XPR1: variants seen among roughly 807,000 people sequenced by gnomAD.
XPR1 encodes xenotropic and polytropic retrovirus receptor 1.
In XPR1, 28 loss-of-function variants were observed where a neutral mutation model predicts 87.5. The observed-to-expected ratio is 0.32, with a 90% CI of 0.24 to 0.44. XPR1 has a LOEUF of 0.44. Among genes scored for constraint, XPR1 ranks in the 20% least tolerant of loss-of-function variants. The probability of loss-of-function intolerance (pLI) is 1.00; values close to 1 mark genes in which losing one functional copy is unlikely to be tolerated. For missense variants in XPR1, 559 were observed against 862.3 expected, an observed-to-expected ratio of 0.65 and a Z score of 4.41; for synonymous variants, 300 against 306.1, an observed-to-expected ratio of 0.98 and a Z score of 0.21.
intron 7 of XPR1, among the ~76,000 whole-genome samples, chr1:180,812,880 C>T (rs957877934): frequency 2.0e-5 from 3 of 152,004 alleles, no homozygotes; most frequent in Admixed American, 1.3e-4. Context: ...GAACTCCTGA[C>T]CTCGTGATCC....
intron 1 of XPR1, among the ~76,000 whole-genome samples, chr1:180,669,928 A>G (rs888871335): frequency 3.3e-5 from 5 of 152,204 alleles, no homozygotes; most frequent in African/African-American, 1.2e-4. Context: ...GTACTGTATT[A>G]TGGGTAAACA....
At chr1:180,640,902 T>G (rs191779198) in intron 1 of XPR1, among the ~76,000 whole-genome samples, 7 of 152,172 alleles carry the variant, frequency 4.6e-5, no homozygotes, top group Admixed American at 6.5e-5. Context: ...TAAGGAACTT[T>G]TAAGCTTATT....
At chr1:180,638,523 C>G (rs554758002) in intron 1 of XPR1, among the ~76,000 whole-genome samples, 1 of 152,098 alleles carries the variant, frequency 6.6e-6, no homozygotes, top group Admixed American at 6.6e-5. Context: ...CTAAAAGAAG[C>G]CAGCAGAGAA....
chr1:180,666,495 T>C (rs1310613429), intron 1 of XPR1, among the ~76,000 whole-genome samples: 1 of 152,228 alleles, frequency 6.6e-6, no homozygotes, highest in African/African-American at 2.4e-5. Context: ...TACATGTCTT[T>C]CCCTTATTTG....
chr1:180,824,591 G>GATA (rs1198592188), intron 7 of XPR1, among the ~76,000 whole-genome samples, 162 bp from the exon 8 acceptor site: 17 of 149,656 alleles, frequency 1.1e-4, no homozygotes, highest in African/African-American at 4.3e-4. Context: ...AAAATAAATA[G>GATA]GTAGATAGAT....
chr1:180,821,622 T>C (rs1232047758), intron 7 of XPR1, among the ~76,000 whole-genome samples: 1 of 152,244 alleles, frequency 6.6e-6, no homozygotes, highest in Non-Finnish European at 1.5e-5. Flanking sequence ...ATTAAATCTG[T>C]AGATTGCTTT....
In XPR1 at chr1:180,797,385, A is replaced by G. The variant is rs533310034; in HGVS notation, c.224-6003A>G. ...TTGTTAAATATGAAAAACTTTATAT[A>G]GAAAGCAGTGTTTGAGATTAGCCTT... On this transcript the variant is annotated intron_variant, in intron 3 of 14. Transcript: ENST00000367590. Among the ~76,000 whole-genome samples the G allele has an allele frequency of 3.9e-5, 6 of 152,236 alleles. 1 individual carries two copies. Among genetic ancestry groups the G allele is most frequent in the Non-Finnish European group, 7.3e-5 (5 of 68,036 alleles).
intron 2 of XPR1, among the ~76,000 whole-genome samples, chr1:180,690,814 C>T (rs1326628887): frequency 1.3e-5 from 2 of 150,922 alleles, no homozygotes; most frequent in Non-Finnish European, 2.9e-5. Context: ...TTACTTGACA[C>T]ATCATTGAGT....
chr1:180,702,584 C>T (rs1158841014), intron 2 of XPR1, among the ~76,000 whole-genome samples: 1 of 151,898 alleles, frequency 6.6e-6, no homozygotes, highest in East Asian at 1.9e-4. Context: ...TGTTGAAGCT[C>T]TCGATTGTAT....
intron 1 of XPR1, among the ~76,000 whole-genome samples, chr1:180,633,386 A>G (rs747439429): frequency 2.6e-5 from 4 of 152,212 alleles, no homozygotes; most frequent in Non-Finnish European, 5.9e-5. Flanking sequence ...ATCAATATGA[A>G]CACACATAAC....
At chr1:180,690,477 A>G (rs1285722426) in intron 2 of XPR1, among the ~76,000 whole-genome samples, 1 of 152,152 alleles carries the variant, frequency 6.6e-6, no homozygotes, top group Non-Finnish European at 1.5e-5. Context: ...GTAAAAATGT[A>G]TTACTATGAA....
intron 13 of XPR1, among the ~76,000 whole-genome samples, 164 bp from the exon 14 acceptor site, chr1:180,879,912 C>A (rs932926331): frequency 6.6e-6 from 1 of 152,142 alleles, no homozygotes; most frequent in Non-Finnish European, 1.5e-5. Flanking sequence ...CTTACCCCCC[C>A]ACCACCACCT....
intron 2 of XPR1, among the ~76,000 whole-genome samples, chr1:180,696,200 GTGTGTGTGTATATA>G (rs1427782248): frequency 1.8e-4 from 20 of 110,056 alleles, no homozygotes; most frequent in African/African-American, 8.0e-4. Flanking sequence ...GTGTGTGTGT[GTGTGTGTGTATATA>G]TATATATATA....
rs75844670 is a variant in XPR1, at chr1:180,770,828, T to G, written c.122-16925T>G. 1.1e-3 allele frequency among the ~76,000 whole-genome samples: 165 copies of G among 152,290 alleles called. 1 individual carries two copies. Among genetic ancestry groups the G allele is most frequent in the Non-Finnish European group, 1.9e-3 (130 of 68,000 alleles). ...CATTACTTTCTCTTTCATTTGGTAT[T>G]GTTAATCACTGTTGGTTTTCTTTCC... is the stretch of plus-strand genomic sequence containing the variant. On this transcript the variant is annotated intron_variant, in intron 2 of 14. Coordinates refer to ENST00000367590, the MANE Select transcript of XPR1 (RefSeq NM_004736.4).
intron 2 of XPR1, among the ~76,000 whole-genome samples, chr1:180,724,756 T>G (rs1658280605): frequency 6.6e-6 from 1 of 152,198 alleles, no homozygotes; most frequent in South Asian, 2.1e-4. Flanking sequence ...GAAAGATGCC[T>G]TCAGTCAATG....
chr1:180,683,662 C>G lies in XPR1; in HGVS notation c.121+1251C>G, dbSNP rs145875613. 5.1e-3 allele frequency among the ~76,000 whole-genome samples: 779 copies of G among 152,276 alleles called. 4 individuals carry two copies. The highest frequency in any genetic ancestry group is 8.9e-3 in the Non-Finnish European group (608 of 68,022). On this transcript the variant is annotated intron_variant, in intron 2 of 14. Coordinates refer to ENST00000367590, the MANE Select transcript of XPR1 (RefSeq NM_004736.4). The stretch of plus-strand genomic sequence containing the variant: ...GACTTTTTAATGATCATCATTCTAA[C>G]TGGTGTGAGATGGTATCCCATTGTG...
At chr1:180,793,083 C>T (rs1028337971) in intron 3 of XPR1, among the ~76,000 whole-genome samples, 1 of 151,692 alleles carries the variant, frequency 6.6e-6, no homozygotes, top group Non-Finnish European at 1.5e-5. Context: ...AGTGTTACAT[C>T]CTTTTTCTTT....
intron 1 of XPR1, among the ~76,000 whole-genome samples, chr1:180,653,680 CAATT>C (rs1315645035): frequency 6.6e-6 from 1 of 152,072 alleles, no homozygotes; most frequent in East Asian, 1.9e-4. Context: ...AGATTAACAA[CAATT>C]AATAATAAAA....
chr1:180,812,764 T>C (rs1474099495), intron 7 of XPR1, among the ~76,000 whole-genome samples: 1 of 151,626 alleles, frequency 6.6e-6, no homozygotes, highest in Admixed American at 6.6e-5. Context: ...TTTTCCTGCC[T>C]CAGCCTCCTG....
Sources: gnomAD v4.1 joint callset for allele counts (sites outside exome capture counted in the v4.1 genomes callset) on GRCh38, gnomAD v4.1.1 for gene constraint, MANE v1.5 for transcripts, NCBI Gene and HGNC (gene_info 2026-07-23, HGNC 2026-07-21) for gene names.